PTH2R: variants seen among roughly 807,000 people sequenced by gnomAD.
The protein encoded by PTH2R is PTH2 receptor.
In PTH2R, 59 loss-of-function variants were observed where a neutral mutation model predicts 60.3. The observed-to-expected ratio is 0.98, with a 90% CI of 0.79 to 1.22. PTH2R has a LOEUF of 1.22. PTH2R is among the 50% of genes most tolerant of loss of function. The pLI is 0.00. For synonymous variants in PTH2R, 256 were observed against 243.8 expected (o/e 1.05, Z -0.47); for missense variants, 749 against 682.6 (o/e 1.10, Z -1.08).
At chr2:208,490,493 G>A in intron 11 of PTH2R, 146 bp from the exon 12 acceptor site, 1 of 628,604 alleles carries the variant, frequency 1.6e-6, no homozygotes, top group Non-Finnish European at 2.6e-6. Context: ...ATAAGGATTT[G>A]GAAACACTAG....
At chr2:208,421,789 A>G (rs1296944718) in intron 1 of PTH2R, among the ~76,000 whole-genome samples, 1 of 152,192 alleles carries the variant, frequency 6.6e-6, no homozygotes, top group African/African-American at 2.4e-5. Flanking sequence ...TAGAAAGTTC[A>G]TAAAACTGAT....
Position 208,478,394 on chromosome 2 carries a change from GAGGCC to G in PTH2R, c.982-2674_982-2670del, listed in dbSNP as rs773899648. The stretch of plus-strand genomic sequence containing the variant: ...GAGTCCTTATCCTTTTCAGCTTCTA[GAGGCC>G]ACTGGCATTGCATGACTCTTGGTCC... On this transcript the variant is annotated intron_variant, in intron 9 of 12. Transcript: ENST00000272847. Among the ~76,000 whole-genome samples, 410 of 152,134 alleles carry G rather than the reference GAGGCC, an allele frequency of 2.7e-3. 2 individuals are homozygous for G. Among genetic ancestry groups the G allele is most frequent in the Non-Finnish European group, 4.9e-3 (335 of 68,002 alleles).
At chr2:208,408,454 T>G (rs1701463898) in intron 1 of PTH2R, among the ~76,000 whole-genome samples, 1 of 152,138 alleles carries the variant, frequency 6.6e-6, no homozygotes, top group Non-Finnish European at 1.5e-5. Context: ...AAGAGGCAAC[T>G]GAACTCTAAC....
At chr2:208,390,924 T>C (rs1004140931) in intron 1 of PTH2R, among the ~76,000 whole-genome samples, 1 of 152,252 alleles carries the variant, frequency 6.6e-6, no homozygotes, top group Non-Finnish European at 1.5e-5. Flanking sequence ...TTAAGATCTA[T>C]TTTTTCACAG....
intron 9 of PTH2R, among the ~76,000 whole-genome samples, chr2:208,479,196 C>A (rs115925684): frequency 5.2e-4 from 79 of 151,730 alleles, no homozygotes; most frequent in Non-Finnish European, 8.7e-4. Context: ...GTGGACTCAT[C>A]GGCATGTATT....
intron 1 of PTH2R, among the ~76,000 whole-genome samples, chr2:208,401,150 C>A (rs544807917): frequency 2.1e-4 from 32 of 152,302 alleles, no homozygotes; most frequent in African/African-American, 6.5e-4. Context: ...AGAAATCATT[C>A]ATATTCCCAT....
chr2:208,493,861 T>G lies in PTH2R; in HGVS notation c.*202T>G, dbSNP rs1469727074. ...AGTGTCAATGGAGTAGTTTATTACC[T>G]TCTATTGGCATCAAGTTTTCCTCTA... On this transcript the variant is annotated 3_prime_UTR_variant, in exon 13 of 13. Coordinates refer to ENST00000272847, the MANE Select transcript of PTH2R (RefSeq NM_005048.4). 2.2e-6 allele frequency: 1 copy of G among 452,960 alleles called. No individual in the cohort carries two copies. Among genetic ancestry groups the G allele is most frequent in the African/African-American group, 2.0e-5 (1 of 49,730 alleles). 28.1% of individuals were successfully genotyped at this position (452,960 alleles called of 1,614,324 possible).
intron 10 of PTH2R, among the ~76,000 whole-genome samples, chr2:208,487,933 A>T (rs1459004077): frequency 6.6e-6 from 1 of 152,202 alleles, no homozygotes; most frequent in Non-Finnish European, 1.5e-5. Flanking sequence ...ATGCAATGTA[A>T]TCTCAGAAGT....
chr2:208,379,277 G>C (rs1282081272), intron 1 of PTH2R, among the ~76,000 whole-genome samples: 1 of 152,110 alleles, frequency 6.6e-6, no homozygotes, highest in African/African-American at 2.4e-5. Context: ...TGAAATGTTG[G>C]ATATTGTGGG....
intron 9 of PTH2R, among the ~76,000 whole-genome samples, chr2:208,470,385 G>C (rs769494312): frequency 5.3e-5 from 8 of 152,162 alleles, no homozygotes; most frequent in Non-Finnish European, 1.0e-4. Context: ...ATATGGTTTG[G>C]CTGTGTCCCC....
At chr2:208,411,940 G>C (rs758970647) in intron 1 of PTH2R, among the ~76,000 whole-genome samples, 1 of 152,186 alleles carries the variant, frequency 6.6e-6, no homozygotes, top group Non-Finnish European at 1.5e-5. Context: ...TTTATTAGCA[G>C]ATGAGTTAAG....
intron 10 of PTH2R, among the ~76,000 whole-genome samples, chr2:208,488,809 C>T (rs1385734150): frequency 6.6e-6 from 1 of 152,018 alleles, no homozygotes; most frequent in South Asian, 2.1e-4. Context: ...CTCAGGAGGT[C>T]GACACTGCAG....
intron 9 of PTH2R, among the ~76,000 whole-genome samples, chr2:208,464,410 C>T (rs1702698621): frequency 6.6e-6 from 1 of 152,194 alleles, no homozygotes; most frequent in Non-Finnish European, 1.5e-5. Context: ...CTGACGGGCG[C>T]CCGAGGTCTC....
intron 1 of PTH2R, among the ~76,000 whole-genome samples, chr2:208,378,130 G>A (rs1700841964): frequency 6.6e-6 from 1 of 152,004 alleles, no homozygotes; most frequent in Non-Finnish European, 1.5e-5. Flanking sequence ...CGGCACCTCG[G>A]GAGGCCGAGG....
At chr2:208,378,386 T>C (rs1010275551) in intron 1 of PTH2R, among the ~76,000 whole-genome samples, 9 of 151,844 alleles carry the variant, frequency 5.9e-5, no homozygotes, top group Admixed American at 3.3e-4. Flanking sequence ...AGGGAGACTG[T>C]GGGGAGAGGG....
rs189133383 is a variant in PTH2R, at chr2:208,385,878, G to A, written c.-259+25641G>A. Among the ~76,000 whole-genome samples, 8 of 152,282 alleles carry A rather than the reference G, an allele frequency of 5.3e-5. No homozygotes were observed. The East Asian group carries it at 9.6e-4, about 18-fold the overall frequency. On this transcript the variant is annotated intron_variant, in intron 1 of 12. Coordinates refer to the PTH2R transcript ENST00000617735. ...CAATTGAGCAAAAACTTCAAAGAGC[G>A]TTTTCATATTAACCAAAGCATCCCT...
At chr2:208,413,373 C>T (rs2105838362) in intron 1 of PTH2R, among the ~76,000 whole-genome samples, 1 of 152,278 alleles carries the variant, frequency 6.6e-6, no homozygotes. Flanking sequence ...ACAGAAACTC[C>T]AAGAGCCAAC....
chr2:208,381,196 T>C (rs1455500223), intron 1 of PTH2R, among the ~76,000 whole-genome samples: 2 of 152,072 alleles, frequency 1.3e-5, no homozygotes, highest in African/African-American at 4.8e-5. Context: ...AAAATATATG[T>C]AAAGAACCTA....
chr2:208,480,372 C>T (rs1485929591), intron 9 of PTH2R, among the ~76,000 whole-genome samples: 2 of 152,104 alleles, frequency 1.3e-5, no homozygotes, highest in Non-Finnish European at 2.9e-5. Context: ...GCCTCCATCC[C>T]CTTATGACCC....
Sources: gnomAD v4.1 joint callset for allele counts (sites outside exome capture counted in the v4.1 genomes callset) on GRCh38, gnomAD v4.1.1 for gene constraint, MANE v1.5 for transcripts, NCBI Gene and HGNC (gene_info 2026-07-23, HGNC 2026-07-21) for gene names.